Variants in ARSJ observed in about 807,000 individuals in gnomAD.
ARSJ encodes arylsulfatase family member J.
A neutral mutation model predicts 35.9 loss-of-function variants in ARSJ; 26 were observed. That is an observed-to-expected ratio of 0.72 (90% CI 0.53 to 1.00). The LOEUF (loss-of-function observed/expected upper bound fraction) is 1.00, where lower values mean the gene tolerates loss of function less well. ARSJ is among the 50% of genes least tolerant of loss of function. The pLI is 0.00. For synonymous variants in ARSJ, 294 were observed against 267.6 expected (o/e 1.10, Z -0.96); for missense variants, 667 against 723.6 (o/e 0.92, Z 0.90).
intron 1 of ARSJ, among the ~76,000 whole-genome samples, chr4:113,925,642 A>G (rs1157629021): frequency 6.6e-6 from 1 of 152,200 alleles, no homozygotes; most frequent in East Asian, 1.9e-4. Flanking sequence ...CTTTAGCTGT[A>G]AAGTGAGTGC....
chr4:113,966,498 T>A (rs1726903416), intron 1 of ARSJ, among the ~76,000 whole-genome samples: 2 of 152,152 alleles, frequency 1.3e-5, no homozygotes, highest in Non-Finnish European at 2.9e-5. Context: ...CTGTCAATGC[T>A]GGTCAGTTGG....
At chr4:113,929,128 C>T (rs1350345765) in intron 1 of ARSJ, among the ~76,000 whole-genome samples, 1 of 152,030 alleles carries the variant, frequency 6.6e-6, no homozygotes, top group Non-Finnish European at 1.5e-5. Flanking sequence ...TATCCAATAC[C>T]CTTAATATGC....
At position 113,978,666 on chromosome 4, in the gene ARSJ, C is replaced by G; in HGVS notation, c.169G>C (p.Ala57Pro). The change falls in exon 1 of 2, where the codon GCC (alanine) becomes CCC (proline). Residue 57 changes from alanine to proline, a missense_variant. Transcript: ENST00000315366. ...GQALEEEEEGALLAQAGEKLE... is the reference protein window; with the variant it reads ...GQALEEEEEGPLLAQAGEKLE... ...TTCTCTCCAGCTTGAGCTAGTAAGGCCCCTTCTTCCTCCTCTTCTAAGGCC... is the reference window on the plus strand; with the variant it reads ...TTCTCTCCAGCTTGAGCTAGTAAGGGCCCTTCTTCCTCCTCTTCTAAGGCC... 1 of 1,614,222 alleles carries G rather than the reference C, an allele frequency of 6.2e-7. No homozygotes were observed. Among genetic ancestry groups the G allele is most frequent in the Middle Eastern group, 1.6e-4 (1 of 6,062 alleles).
intron 1 of ARSJ, among the ~76,000 whole-genome samples, chr4:113,963,000 T>A (rs573258650): frequency 2.6e-5 from 4 of 152,170 alleles, no homozygotes; most frequent in Middle Eastern, 6.8e-3. Context: ...GCATTCACTC[T>A]TCTTTCTGCC....
intron 1 of ARSJ, among the ~76,000 whole-genome samples, chr4:113,968,526 T>A (rs142328896): frequency 6.6e-6 from 1 of 152,094 alleles, no homozygotes; most frequent in Non-Finnish European, 1.5e-5. Flanking sequence ...AAAGATGCAA[T>A]GATGTCTTCC....
intron 1 of ARSJ, among the ~76,000 whole-genome samples, chr4:113,930,903 T>G (rs1056166858): frequency 4.6e-5 from 7 of 150,974 alleles, no homozygotes; most frequent in Non-Finnish European, 7.4e-5. Flanking sequence ...GAAATCATCA[T>G]TCTCAGTAAA....
Position 113,902,181 on chromosome 4 carries a change from G to C in ARSJ, c.*93C>G. ...GAAAACAAGCCTGACGCTTAGGCCA[G>C]CGATATTATCGAGCCAAATTTGCTG... On this transcript the variant is annotated 3_prime_UTR_variant, in exon 2 of 2. Transcript: ENST00000315366. 6.3e-7 allele frequency: 1 copy of C among 1,599,112 alleles called. No homozygotes were observed. Among genetic ancestry groups the C allele is most frequent in the Non-Finnish European group, 8.5e-7 (1 of 1,179,898 alleles).
At chr4:113,960,380 A>C (rs1726470112) in intron 1 of ARSJ, among the ~76,000 whole-genome samples, 1 of 152,048 alleles carries the variant, frequency 6.6e-6, no homozygotes, top group Admixed American at 6.6e-5. Context: ...AAGCTTCTCT[A>C]CTTCACAAAC....
chr4:113,915,547 T>C (rs1394806292), intron 1 of ARSJ, among the ~76,000 whole-genome samples: 1 of 152,190 alleles, frequency 6.6e-6, no homozygotes, highest in Non-Finnish European at 1.5e-5. Flanking sequence ...ATTATTTTCA[T>C]TTAACTTTCT....
intron 1 of ARSJ, among the ~76,000 whole-genome samples, chr4:113,922,841 C>T (rs1170159407): frequency 6.6e-6 from 1 of 152,012 alleles, no homozygotes; most frequent in Admixed American, 6.6e-5. Context: ...GTTAAATGAC[C>T]TATGTAAAGT....
At chr4:113,959,934 T>A (rs533975068) in intron 1 of ARSJ, among the ~76,000 whole-genome samples, 1 of 152,082 alleles carries the variant, frequency 6.6e-6, no homozygotes, top group African/African-American at 2.4e-5. Flanking sequence ...CTAGTTTCTC[T>A]TGTCTTCAAG....
chr4:113,967,863 T>C (rs1009172052), intron 1 of ARSJ, among the ~76,000 whole-genome samples: 3 of 152,168 alleles, frequency 2.0e-5, no homozygotes, highest in African/African-American at 7.2e-5. Flanking sequence ...CTAAAATTCA[T>C]AATGAATATA....
chr4:113,924,076 A>AATATATATATATATATATATATATATAT (rs1164333093), intron 1 of ARSJ, among the ~76,000 whole-genome samples: 1 of 95,736 alleles, frequency 1.0e-5, no homozygotes, highest in Non-Finnish European at 2.1e-5. Context: ...AATATATATA[A>AATATATATATATATATATATATATATAT]ATATATATAT....
chr4:113,910,325 T>A (rs1276774717), intron 1 of ARSJ, among the ~76,000 whole-genome samples: 3 of 152,224 alleles, frequency 2.0e-5, no homozygotes, highest in African/African-American at 7.2e-5. Flanking sequence ...GTCTAAGATG[T>A]TATTGTTTTA....
intron 1 of ARSJ, among the ~76,000 whole-genome samples, chr4:113,925,335 A>G (rs1723985757): frequency 6.6e-6 from 1 of 152,036 alleles, no homozygotes; most frequent in Non-Finnish European, 1.5e-5. Context: ...AAATTTTGCT[A>G]GTGGATCACT....
chr4:113,947,521 A>AGAGG (rs951308875), intron 1 of ARSJ, among the ~76,000 whole-genome samples: 9 of 129,264 alleles, frequency 7.0e-5, no homozygotes, highest in African/African-American at 1.4e-4. Flanking sequence ...AAAGAGAGAG[A>AGAGG]GAGGGAGGGA....
chr4:113,930,864 T>C (rs1724396140), intron 1 of ARSJ, among the ~76,000 whole-genome samples: 2 of 150,892 alleles, frequency 1.3e-5, no homozygotes, highest in Non-Finnish European at 3.0e-5. Context: ...GATGAGTTCA[T>C]GTCCTTTGTA....
chr4:113,934,001 A>C (rs1724616036), intron 1 of ARSJ, among the ~76,000 whole-genome samples: 4 of 151,878 alleles, frequency 2.6e-5, no homozygotes, highest in Non-Finnish European at 5.9e-5. Flanking sequence ...CCTGAAGACT[A>C]TCAAAAAACT....
intron 1 of ARSJ, among the ~76,000 whole-genome samples, chr4:113,919,523 C>T (rs1723532638): frequency 6.6e-6 from 1 of 152,102 alleles, no homozygotes. Flanking sequence ...GTGAAAGTAA[C>T]CAAAGGAGCC....
Sources: gnomAD v4.1 joint callset for allele counts (sites outside exome capture counted in the v4.1 genomes callset) on GRCh38, gnomAD v4.1.1 for gene constraint, MANE v1.5 for transcripts, NCBI Gene and HGNC (gene_info 2026-07-23, HGNC 2026-07-21) for gene names.